The following DMGDH variants were observed in gnomAD, a reference collection of about 807,000 sequenced individuals.
DMGDH encodes the protein dimethylglycine dehydrogenase, mitochondrial.
A neutral mutation model predicts 95.2 loss-of-function variants in DMGDH; 76 were observed. The observed-to-expected ratio is 0.80, with a 90% CI of 0.66 to 0.97. The LOEUF (loss-of-function observed/expected upper bound fraction) is 0.97, where lower values mean the gene tolerates loss of function less well. Among genes scored for constraint, DMGDH ranks in the 50% least tolerant of loss-of-function variants. The pLI is 0.00. For missense variants in DMGDH, 987 were observed against 1,055.0 expected (o/e 0.94, Z 0.89); for synonymous variants, 345 against 377.6 (o/e 0.91, Z 1.00).
At chr5:79,021,317 A>T (rs1753861488) in intron 14 of DMGDH, 2 of 1,088,822 alleles carry the variant, frequency 1.8e-6, no homozygotes, top group South Asian at 2.7e-5. Flanking sequence ...TTCCAGGTTC[A>T]TGAGATCTGA....
At chr5:79,035,367 G>C (rs980828701) in intron 7 of DMGDH, among the ~76,000 whole-genome samples, 5 of 152,100 alleles carry the variant, frequency 3.3e-5, no homozygotes, top group Admixed American at 6.6e-5. Context: ...CATAGTTTCC[G>C]TCTAACACAT....
chr5:79,038,576 T>C (rs1456707786), intron 7 of DMGDH, among the ~76,000 whole-genome samples: 5 of 152,190 alleles, frequency 3.3e-5, no homozygotes, highest in Non-Finnish European at 7.3e-5. Context: ...CATACATCTA[T>C]GGTCAATTTA....
intron 7 of DMGDH, among the ~76,000 whole-genome samples, chr5:79,033,993 G>A (rs1032562566): frequency 6.6e-6 from 1 of 152,090 alleles, no homozygotes; most frequent in East Asian, 1.9e-4. Flanking sequence ...TGGGGAAAAG[G>A]CTCGGTGATC....
chr5:79,027,259 A>C (rs1287342427), intron 12 of DMGDH, among the ~76,000 whole-genome samples: 1 of 152,038 alleles, frequency 6.6e-6, no homozygotes, highest in East Asian at 1.9e-4. Context: ...TGGGACAATC[A>C]ATCAGTCCTC....
rs1450185437 is a variant in DMGDH at position 79,042,476 on chromosome 5, C to T, written c.1000G>A (p.Gly334Arg). The change falls in exon 7 of 16, where the codon GGA (glycine) becomes AGA (arginine). Residue 334 changes from glycine (G) to arginine (R), a missense_variant. Gly to Arg is a moderately radical substitution (Grantham distance 125). Transcript: ENST00000255189. ...AGATCAGACTCAAAGAGTTCCTTTCCAAAACCTAAAAAGATTTGCCCTTGT... is the reference window on the plus strand; with the variant it reads ...AGATCAGACTCAAAGAGTTCCTTTCTAAAACCTAAAAAGATTTGCCCTTGT... ...WVTNGVPPGF[G>R]KELFESDLDR... 26 of 1,614,012 alleles carry T rather than the reference C, an allele frequency of 1.6e-5. No homozygotes were observed. Among genetic ancestry groups the T allele is most frequent in the Non-Finnish European group, 2.2e-5 (26 of 1,180,018 alleles).
At chr5:79,058,203 T>C (rs1424992792) in intron 2 of DMGDH, among the ~76,000 whole-genome samples, 1 of 152,232 alleles carries the variant, frequency 6.6e-6, no homozygotes, top group African/African-American at 2.4e-5. Context: ...GACTCAATTT[T>C]CTCACTCAGA....
intron 14 of DMGDH, among the ~76,000 whole-genome samples, chr5:79,018,463 G>A (rs1429680575): frequency 1.3e-5 from 2 of 151,554 alleles, no homozygotes; most frequent in East Asian, 1.9e-4. Flanking sequence ...TTTAAAAATT[G>A]CAAAATAACC....
At chr5:79,068,683 T>A (rs569886944) in intron 1 of DMGDH, among the ~76,000 whole-genome samples, 1 of 152,380 alleles carries the variant, frequency 6.6e-6, no homozygotes, top group African/African-American at 2.4e-5. Context: ...TGAGTGATGC[T>A]GATAAACAAG....
intron 1 of DMGDH, among the ~76,000 whole-genome samples, chr5:79,068,801 C>G (rs951887204): frequency 1.3e-5 from 2 of 152,166 alleles, no homozygotes; most frequent in African/African-American, 4.8e-5. Context: ...GCCATTTTTA[C>G]CTATCAGATT....
intron 14 of DMGDH, among the ~76,000 whole-genome samples, chr5:79,009,314 T>C (rs1209445399): frequency 6.6e-6 from 1 of 151,150 alleles, no homozygotes; most frequent in Non-Finnish European, 1.5e-5. Context: ...AAAAATCTTA[T>C]TGAAAGTAAG....
chr5:79,065,745 G>A (rs1431298807), intron 1 of DMGDH, among the ~76,000 whole-genome samples: 1 of 152,162 alleles, frequency 6.6e-6, no homozygotes, highest in African/African-American at 2.4e-5. Flanking sequence ...GTGACCGGCA[G>A]CACAGTAGGT....
At chr5:79,013,409 T>G (rs940838533) in intron 14 of DMGDH, among the ~76,000 whole-genome samples, 1 of 152,162 alleles carries the variant, frequency 6.6e-6, no homozygotes, top group Non-Finnish European at 1.5e-5. Context: ...GTCACAACGA[T>G]TCAACACATC....
At chr5:79,021,092 T>C in intron 14 of DMGDH, 2 of 986,194 alleles carry the variant, frequency 2.0e-6, no homozygotes, top group Non-Finnish European at 2.4e-6. Flanking sequence ...TCGTTTCAGG[T>C]GAAGCGTTTT....
In DMGDH at chr5:79,024,259, A is replaced by G; in HGVS notation, c.2250+12T>C. 1 of 1,610,762 alleles carries G rather than the reference A, an allele frequency of 6.2e-7. No homozygotes were observed. The highest frequency in any genetic ancestry group is 1.1e-5 in the South Asian group (1 of 91,002). On this transcript the variant is annotated intron_variant, in intron 14 of 15. Coordinates refer to ENST00000255189, the MANE Select transcript of DMGDH (RefSeq NM_013391.3). ...AGATTTACTTCAAGCACACTTTGGA[A>G]TGTAAACATACCTTATTTAACTTCA...
chr5:79,032,506 G>A (rs1275303653), intron 9 of DMGDH, among the ~76,000 whole-genome samples, 181 bp downstream of exon 9: 1 of 152,210 alleles, frequency 6.6e-6, no homozygotes, highest in Non-Finnish European at 1.5e-5. Context: ...CTAGATGTGG[G>A]CCAGTGTCTC....
intron 14 of DMGDH, among the ~76,000 whole-genome samples, chr5:79,011,945 A>G (rs1753654376): frequency 6.6e-6 from 1 of 152,120 alleles, no homozygotes; most frequent in Non-Finnish European, 1.5e-5. Flanking sequence ...GATACAAACC[A>G]TATGATTACA....
chr5:79,054,982 C>G (rs1052951652), intron 3 of DMGDH, among the ~76,000 whole-genome samples: 2 of 152,180 alleles, frequency 1.3e-5, no homozygotes, highest in African/African-American at 4.8e-5. Context: ...GGACCTCCAG[C>G]TTTGACTTGC....
Position 79,033,408 on chromosome 5 carries a change from T to C in DMGDH, c.1194A>G (p.Gly398=). The change falls in exon 8 of 16, where the codon GGA becomes GGG. Residue 398 remains glycine (G), a splice_region_variant and synonymous_variant. Transcript: ENST00000255189. Reference sequence around the variant, plus strand: ...CCCCACCAGCGTGGATTATGCCATATCTTTCAAATACAGGGATAGAAAACC... The same window carrying C: ...CCCCACCAGCGTGGATTATGCCATACCTTTCAAATACAGGGATAGAAAACC... ...VRNYWVAIGF[G]YGIIHAGGVG... is the part of the protein sequence containing the mutation. 1 of 1,614,126 alleles carries C rather than the reference T, an allele frequency of 6.2e-7. No individual in the cohort carries two copies. The highest frequency in any genetic ancestry group is 8.5e-7 in the Non-Finnish European group (1 of 1,180,026).
Position 79,028,598 on chromosome 5 carries a change from T to C in DMGDH, c.1867A>G (p.Ile623Val), listed in dbSNP as rs1329608789. ...CCAAGAACTCCAAGCTCATCAGTTA[T>C]GTTTTTAATTTCAACATCATATCCA... The part of the protein sequence containing the change: ...KGGYDVEIKN[I>V]TDELGVLGVA... The change falls in exon 12 of 16, where the codon ATA becomes GTA. Residue 623 changes from isoleucine to valine, a missense_variant. Coordinates refer to ENST00000255189, the MANE Select transcript of DMGDH (RefSeq NM_013391.3). The C allele has an allele frequency of 2.5e-6, 4 of 1,614,188 alleles. No individual in the cohort carries two copies. The highest frequency in any genetic ancestry group is 2.2e-5 in the East Asian group (1 of 44,880).
Sources: allele counts gnomAD v4.1 joint callset (sites outside exome capture counted in the v4.1 genomes callset), GRCh38; gene constraint gnomAD v4.1.1; transcripts MANE v1.5; gene names NCBI Gene and HGNC (gene_info 2026-07-23, HGNC 2026-07-21).